The following CFAP54 variants were observed in gnomAD, a reference collection of about 807,000 sequenced individuals.
CFAP54 encodes the protein cilia- and flagella-associated protein 54.
In CFAP54, 290 loss-of-function variants were observed where a neutral mutation model predicts 370.4. The observed-to-expected ratio is 0.78, with a 90% CI of 0.71 to 0.86. CFAP54 has a LOEUF of 0.86. Ranked by LOEUF, CFAP54 falls within the 40% of genes least tolerant of loss-of-function variation. The pLI is 0.00. For synonymous variants in CFAP54, 1,206 were observed against 1,236.5 expected (o/e 0.98, Z 0.52); for missense variants, 3,399 against 3,528.7 (o/e 0.96, Z 0.93).
At chr12:96,774,675 A>G (rs954831555) in intron 60 of CFAP54, among the ~76,000 whole-genome samples, 4 of 152,122 alleles carry the variant, frequency 2.6e-5, no homozygotes, top group Admixed American at 6.5e-5. Context: ...ATTACGTTAT[A>G]TTTAGACATT....
chr12:96,829,154 T>C, intron 66 of CFAP54, 66 bp downstream of exon 66: 1 of 890,812 alleles, frequency 1.1e-6, no homozygotes, highest in South Asian at 1.8e-5. Flanking sequence ...GAAATGGAAA[T>C]ATAGAAAACA....
rs11835776 is a variant in CFAP54 at position 96,811,801 on chromosome 12, T to C, written c.8916T>C (p.Tyr2972=). The C allele has an allele frequency of 2.5e-3, 3,811 of 1,524,332 alleles. 87 individuals are homozygous for C. The African/African-American group carries it at 0.045, about 18-fold the overall frequency. The allele number at this position is 1,524,332 out of a possible 1,614,324, so 94.4% of individuals were successfully genotyped here. A position where few individuals can be genotyped will look rare whatever the true frequency, so the allele number is the denominator to read the frequency against. ...TTTCAGATGTTAGACATTCCACTTA[T>C]AACAGTACATGTGTTGGCTCTTTAT... ...LKISDVRHST[Y]NSTCVGSLWI... The change falls in exon 64 of 68, where the codon TAT becomes TAC. Residue 2972 remains tyrosine, a synonymous_variant. Coordinates refer to ENST00000524981, the MANE Select transcript of CFAP54 (RefSeq NM_001306084.2).
chr12:96,774,890 T>G (rs1958500627), intron 60 of CFAP54, among the ~76,000 whole-genome samples: 1 of 152,208 alleles, frequency 6.6e-6, no homozygotes, highest in African/African-American at 2.4e-5. Flanking sequence ...TATTAGTTGT[T>G]TTTATGTACA....
intron 39 of CFAP54, among the ~76,000 whole-genome samples, chr12:96,675,008 A>G (rs560663359): frequency 6.6e-6 from 1 of 152,284 alleles, no homozygotes; most frequent in Non-Finnish European, 1.5e-5. Flanking sequence ...AGGCAATACC[A>G]TTCAGGACAT....
chr12:96,756,356 C>A, intron 56 of CFAP54, 102 bp from the exon 57 acceptor site: 1 of 662,124 alleles, frequency 1.5e-6, no homozygotes, highest in Non-Finnish European at 2.6e-6. Flanking sequence ...TACAAAAGGA[C>A]AGCACATCAA....
intron 60 of CFAP54, among the ~76,000 whole-genome samples, chr12:96,777,911 G>C (rs895137852): frequency 1.3e-5 from 2 of 152,144 alleles, no homozygotes; most frequent in African/African-American, 4.8e-5. Context: ...TTGAATAGTT[G>C]GTGCTGATAC....
Position 96,725,196 on chromosome 12 carries a change from T to C in CFAP54, c.6965+4631T>C, listed in dbSNP as rs1235649291. ...TTCCATATGAACTTTAAAGTAATTT[T>C]TTCCAATTCTGTGAAGAAAGTCATT... On this transcript the variant is annotated intron_variant, in intron 50 of 67. Transcript: ENST00000524981. Among the ~76,000 whole-genome samples, 7 of 151,866 alleles carry C rather than the reference T, an allele frequency of 4.6e-5. No homozygotes were observed. In the East Asian group the frequency reaches 1.3e-3, roughly 29 times the overall value.
rs1228224579 is a variant in CFAP54 at position 96,493,008 on chromosome 12, AAG to A, written c.317+3085_317+3086del. 6.6e-5 allele frequency among the ~76,000 whole-genome samples: 10 copies of A among 152,088 alleles called. No homozygotes were observed. In the East Asian group the frequency reaches 9.6e-4, roughly 15 times the overall value. On this transcript the variant is annotated intron_variant, in intron 1 of 67. Transcript: ENST00000524981. ...AGACTCTGTCTCAAAAAAAAAAAAA[AAG>A]AGTTATTATCCTTATATTCTCAGTA...
chr12:96,556,995 C>T (rs1481781710), intron 17 of CFAP54, among the ~76,000 whole-genome samples: 1 of 152,150 alleles, frequency 6.6e-6, no homozygotes, highest in Non-Finnish European at 1.5e-5. Context: ...GTATAACAAA[C>T]TCCCATGACA....
At chr12:96,806,892 A>G (rs1958888170) in intron 63 of CFAP54, among the ~76,000 whole-genome samples, 1 of 152,188 alleles carries the variant, frequency 6.6e-6, no homozygotes, top group African/African-American at 2.4e-5. Flanking sequence ...GCTGAGAACC[A>G]GCAGCACTAG....
intron 32 of CFAP54, among the ~76,000 whole-genome samples, chr12:96,638,506 G>A (rs1956687801): frequency 6.6e-6 from 1 of 151,684 alleles, no homozygotes; most frequent in Non-Finnish European, 1.5e-5. Flanking sequence ...TCAAAGTGCT[G>A]GGATTACAGG....
intron 56 of CFAP54, among the ~76,000 whole-genome samples, chr12:96,756,145 A>G (rs17025808): frequency 0.015 from 2,289 of 152,274 alleles, 59 homozygotes; most frequent in African/African-American, 0.052. Context: ...GGAATGTAAG[A>G]TACAGGAGGA....
intron 36 of CFAP54, among the ~76,000 whole-genome samples, chr12:96,656,010 A>G (rs1719611774): frequency 1.3e-5 from 2 of 152,126 alleles, no homozygotes; most frequent in African/African-American, 4.8e-5. Context: ...GGGGGAAGTG[A>G]GTATGTCCTA....
At chr12:96,646,021 A>G (rs1303602075) in intron 33 of CFAP54, 1 of 152,210 alleles carries the variant, frequency 6.6e-6, no homozygotes, top group Non-Finnish European at 1.5e-5. Context: ...AGGCAATACC[A>G]TTCAGGACAT....
chr12:96,631,570 A>G (rs1298210316), intron 32 of CFAP54, among the ~76,000 whole-genome samples: 1 of 151,142 alleles, frequency 6.6e-6, no homozygotes, highest in Non-Finnish European at 1.5e-5. Context: ...GCTGAATGGT[A>G]TTTCATTATA....
intron 19 of CFAP54, among the ~76,000 whole-genome samples, chr12:96,569,159 G>A (rs182356035): frequency 7.2e-4 from 109 of 152,290 alleles, no homozygotes; most frequent in African/African-American, 2.5e-3. Flanking sequence ...CTCATAGAAA[G>A]AGGCAGAAAT....
intron 50 of CFAP54, among the ~76,000 whole-genome samples, chr12:96,725,274 C>T (rs1246620040): frequency 6.6e-6 from 1 of 151,092 alleles, no homozygotes; most frequent in African/African-American, 2.4e-5. Context: ...GGCAGTATGG[C>T]CATTTTCACG....
intron 50 of CFAP54, among the ~76,000 whole-genome samples, chr12:96,729,309 T>C (rs972545465): frequency 1.6e-4 from 24 of 152,224 alleles, no homozygotes; most frequent in Admixed American, 8.5e-4. Flanking sequence ...CCGGCAGGCC[T>C]CCTTGAGCTG....
intron 48 of CFAP54, among the ~76,000 whole-genome samples, chr12:96,714,768 CAAAAGAGGGTTTAAA>C (rs1236556816): frequency 6.6e-6 from 1 of 150,828 alleles, no homozygotes; most frequent in African/African-American, 2.4e-5. Context: ...CTGAAAGGGA[CAAAAGAGGGTTTAAA>C]AAAAAAACTG....
Sources: gnomAD v4.1 joint callset for allele counts (sites outside exome capture counted in the v4.1 genomes callset) on GRCh38, gnomAD v4.1.1 for gene constraint, MANE v1.5 for transcripts, NCBI Gene and HGNC (gene_info 2026-07-23, HGNC 2026-07-21) for gene names.